Variants in ANTXRL observed in about 807,000 individuals in gnomAD.
ANTXRL encodes the protein ANTXR like, also known as anthrax toxin receptor-like.
In ANTXRL, 63 loss-of-function variants were observed where a neutral mutation model predicts 75.4. The ratio of observed to expected loss-of-function variants is 0.84; its 90% CI spans 0.68 to 1.03. The LOEUF (loss-of-function observed/expected upper bound fraction) is 1.03, where lower values mean the gene tolerates loss of function less well. Among genes scored for constraint, ANTXRL ranks in the 50% least tolerant of loss-of-function variants. The probability of loss-of-function intolerance (pLI) is 0.00; values close to 1 mark genes in which losing one functional copy is unlikely to be tolerated. For missense variants in ANTXRL, 797 were observed against 789.4 expected (o/e 1.01, Z -0.12); for synonymous variants, 335 against 291.3 (o/e 1.15, Z -1.53).
At chr10:46,301,320 A>T (rs1554960525) in intron 9 of ANTXRL, among the ~76,000 whole-genome samples, 1 of 152,236 alleles carries the variant, frequency 6.6e-6, no homozygotes, top group Non-Finnish European at 1.5e-5. Context: ...GCTTGCCCTG[A>T]GGGGCCCATG....
intron 16 of ANTXRL, among the ~76,000 whole-genome samples, chr10:46,321,155 T>A (rs73292931): frequency 0.015 from 2,313 of 152,208 alleles, 65 homozygotes; most frequent in African/African-American, 0.053. Context: ...GTTTCTTCAT[T>A]TTTTTGGTTT....
chr10:46,291,989 G>T, intron 1 of ANTXRL, 69 bp from the exon 2 acceptor site: 1 of 1,413,954 alleles, frequency 7.1e-7, no homozygotes, highest in Non-Finnish European at 9.6e-7. Context: ...GGAGGCTGGG[G>T]GCGGGGCAGA....
intron 5 of ANTXRL, among the ~76,000 whole-genome samples, chr10:46,296,651 A>G (rs1186907716): frequency 1.3e-5 from 2 of 152,092 alleles, no homozygotes; most frequent in African/African-American, 4.8e-5. Flanking sequence ...AAGGCTGTCC[A>G]GGGCCCCCAA....
In ANTXRL at chr10:46,309,245, G is replaced by T. The variant is rs183696374; in HGVS notation, c.1134+43G>T. 4.6e-6 allele frequency: 7 copies of T among 1,534,402 alleles called. 1 individual carries two copies. The Middle Eastern group carries it at 5.2e-4, about 113-fold the overall frequency. ...GCCCAGCTCTGGGGCCCAGGCACAG[G>T]CCCACCCTCTGAGGGACTCTAACAT... On this transcript the variant is annotated intron_variant, in intron 13 of 16. Coordinates refer to ENST00000620264, the MANE Select transcript of ANTXRL (RefSeq NM_001278688.3).
chr10:46,293,452 G>A (rs1309769371), intron 2 of ANTXRL, among the ~76,000 whole-genome samples: 1 of 104,294 alleles, frequency 9.6e-6, no homozygotes, highest in South Asian at 3.3e-4. Flanking sequence ...GTGTATGGGT[G>A]CATGTGTGAG....
At chr10:46,308,270 A>C (rs1391013162) in intron 12 of ANTXRL, among the ~76,000 whole-genome samples, 9 of 151,922 alleles carry the variant, frequency 5.9e-5, no homozygotes, top group African/African-American at 2.2e-4. Context: ...GAATCTACCC[A>C]CTGATGGCCC....
At chr10:46,293,101 G>A (rs17696727) in intron 2 of ANTXRL, 7,067 of 150,802 alleles carry the variant, frequency 0.047, 142 homozygotes, top group Non-Finnish European at 0.07. Flanking sequence ...TCATTATAAG[G>A]TATGTGTGTC....
chr10:46,323,563 C>T (rs1839077681), intron 16 of ANTXRL, among the ~76,000 whole-genome samples: 1 of 152,156 alleles, frequency 6.6e-6, no homozygotes, highest in African/African-American at 2.4e-5. Context: ...GAATTGAGTT[C>T]ATTCCCTAAA....
At chr10:46,314,941 G>A (rs557946801) in intron 16 of ANTXRL, among the ~76,000 whole-genome samples, 2 of 152,184 alleles carry the variant, frequency 1.3e-5, no homozygotes, top group South Asian at 2.1e-4. Context: ...GCTCTTCTGC[G>A]ACAACCTAAT....
chr10:46,307,197 A>G (rs1838147012), intron 11 of ANTXRL, among the ~76,000 whole-genome samples: 1 of 152,140 alleles, frequency 6.6e-6, no homozygotes, highest in African/African-American at 2.4e-5. Context: ...ACCAAGCAGC[A>G]GTCCCTGGTC....
intron 3 of ANTXRL, among the ~76,000 whole-genome samples, chr10:46,295,438 G>A (rs1365238154): frequency 2.6e-5 from 4 of 151,212 alleles, no homozygotes; most frequent in African/African-American, 4.9e-5. Flanking sequence ...GCCCATCCCT[G>A]GTTCAGGGTT....
At chr10:46,326,937 G>A (rs1346701123) in intron 16 of ANTXRL, among the ~76,000 whole-genome samples, 4 of 152,126 alleles carry the variant, frequency 2.6e-5, no homozygotes, top group African/African-American at 9.7e-5. Context: ...TGAGGGTGCT[G>A]TTATGTGAAG....
Position 46,329,870 on chromosome 10 carries a change from C to G in ANTXRL, c.1682C>G (p.Pro561Arg). 1.3e-6 allele frequency: 2 copies of G among 1,535,052 alleles called. No individual in the cohort carries two copies. The highest frequency in any genetic ancestry group is 2.4e-5 in the South Asian group (2 of 83,994). ...CCAAGGATCTGCCTGAGACACAGCC[C>G]GGAGTACTTTTCCCAAGCACAGACT... ...CSPRICLRHS[P>R]EYFSQAQTLC... The change falls in exon 17 of 17, where the codon CCG becomes CGG. Residue 561 changes from proline (P) to arginine (R), a missense_variant. Coordinates refer to ENST00000620264, the MANE Select transcript of ANTXRL (RefSeq NM_001278688.3).
At chr10:46,314,222 G>A (rs1163672451) in intron 16 of ANTXRL, among the ~76,000 whole-genome samples, 10 of 152,106 alleles carry the variant, frequency 6.6e-5, no homozygotes, top group African/African-American at 1.9e-4. Flanking sequence ...CCTGGGAGGC[G>A]TGCTGACACC....
chr10:46,294,134 C>A, intron 3 of ANTXRL: 3 of 548,214 alleles, frequency 5.5e-6, no homozygotes, highest in East Asian at 6.4e-5. Flanking sequence ...TCAGCCTCCC[C>A]CACTTCACGC....
intron 1 of ANTXRL, 131 bp from the exon 2 acceptor site, chr10:46,291,927 T>C: frequency 3.9e-6 from 3 of 777,692 alleles, no homozygotes; most frequent in Non-Finnish European, 6.3e-6. Context: ...ACTGGGGGTG[T>C]ACCCCAGCCT....
intron 1 of ANTXRL, 138 bp from the exon 2 acceptor site, chr10:46,291,920 G>A: frequency 1.3e-6 from 1 of 741,732 alleles, no homozygotes; most frequent in Non-Finnish European, 2.2e-6. Flanking sequence ...AGTGGCCACT[G>A]GGGGTGTACC....
chr10:46,317,866 G>T (rs1407329786), intron 16 of ANTXRL, among the ~76,000 whole-genome samples: 1 of 152,142 alleles, frequency 6.6e-6, no homozygotes, highest in Non-Finnish European at 1.5e-5. Flanking sequence ...GCTGATGTGA[G>T]AAGTAATTAG....
chr10:46,310,516 G>A lies in ANTXRL; in HGVS notation c.1173+17G>A, dbSNP rs1554963197. The A allele has an allele frequency of 6.5e-6, 10 of 1,535,952 alleles. No homozygotes were observed. The highest frequency in any genetic ancestry group is 3.6e-5 in the South Asian group (3 of 84,026). ...CCAGAAAAGGTAAGTTGCAGTTCTGGTCCCGATATTGTCACATCCCAAGGA... is the reference window on the plus strand; with the variant it reads ...CCAGAAAAGGTAAGTTGCAGTTCTGATCCCGATATTGTCACATCCCAAGGA... On this transcript the variant is annotated intron_variant, in intron 14 of 16. Coordinates refer to ENST00000620264, the MANE Select transcript of ANTXRL (RefSeq NM_001278688.3).
Sources: allele counts gnomAD v4.1 joint callset (sites outside exome capture counted in the v4.1 genomes callset), GRCh38; gene constraint gnomAD v4.1.1; transcripts MANE v1.5; gene names NCBI Gene and HGNC (gene_info 2026-07-23, HGNC 2026-07-21).